The following EML5 variants were observed in gnomAD, a reference collection of about 807,000 sequenced individuals.
EML5 encodes EMAP like 5.
A neutral mutation model predicts 250.0 loss-of-function variants in EML5; 120 were observed. The observed-to-expected ratio is 0.48, with a 90% CI of 0.41 to 0.56. The LOEUF is 0.56. Among genes scored for constraint, EML5 ranks in the 20% least tolerant of loss-of-function variants. The pLI, the probability that EML5 is intolerant of heterozygous loss-of-function variation, is 0.00. For missense variants in EML5, 2,006 were observed against 2,437.6 expected, an observed-to-expected ratio of 0.82 and a Z score of 3.73; for synonymous variants, 771 against 806.5, an observed-to-expected ratio of 0.96 and a Z score of 0.75.
intron 2 of EML5, among the ~76,000 whole-genome samples, chr14:88,751,699 TGAAAA>T (rs756556284): frequency 6.6e-6 from 1 of 151,724 alleles, no homozygotes; most frequent in Non-Finnish European, 1.5e-5. Flanking sequence ...GTAAGTAAAG[TGAAAA>T]GAAAAGGCTA....
rs2087136062 is a variant in EML5, at chr14:88,613,438, GAAC to G, written c.*2377_*2379del. 6.6e-6 allele frequency: 1 copy of G among 152,072 alleles called. No homozygotes were observed. Among genetic ancestry groups the G allele is most frequent in the African/African-American group, 2.4e-5 (1 of 41,402 alleles). 9.4% of individuals were successfully genotyped at this position (152,072 alleles called of 1,614,324 possible). The stretch of plus-strand genomic sequence containing the variant: ...GTTCTCAGTTTCACTATAAATTATA[GAAC>G]AAATGGGAAACAAGGGTTTAATTTA... On this transcript the variant is annotated 3_prime_UTR_variant, in exon 44 of 44. Transcript: ENST00000554922.
rs17188228 is a variant in EML5 at position 88,738,921 on chromosome 14, T to C, written c.805A>G (p.Ile269Val). ...GTTTCCCTGAGATCAATCACAGTAA[T>C]TGGTTTAAAAGTTAAATCCCAAAGA... is the stretch of plus-strand genomic sequence containing the variant. Reference protein sequence around the residue: ...IRLWDLTFKPITVIDLRETDQ... With the variant: ...IRLWDLTFKPVTVIDLRETDQ... The change falls in exon 6 of 44, where the codon ATT becomes GTT. Residue 269 changes from isoleucine (I) to valine (V), a missense_variant. Coordinates refer to ENST00000554922, the MANE Select transcript of EML5 (RefSeq NM_183387.3). 0.25 allele frequency: 399,927 copies of C among 1,589,922 alleles called. 51,618 individuals carry two copies. The highest frequency in any genetic ancestry group is 0.37 in the East Asian group (16,441 of 44,208).
intron 1 of EML5, among the ~76,000 whole-genome samples, chr14:88,762,141 CTCTGATGATAGTTTATAAATGTA>C (rs1280098344): frequency 7.8e-4 from 119 of 152,218 alleles, no homozygotes; most frequent in African/African-American, 2.6e-3. Flanking sequence ...TGCCTGTTCG[CTCTGATGATAGTTTATAAATGTA>C]TATGCACCCA....
At chr14:88,629,580 C>G (rs2090312493) in intron 33 of EML5, among the ~76,000 whole-genome samples, 1 of 152,126 alleles carries the variant, frequency 6.6e-6, no homozygotes, top group African/African-American at 2.4e-5. Flanking sequence ...AATGGTCATT[C>G]CTGATGCTTG....
At position 88,753,056 on chromosome 14, in the gene EML5, C is replaced by T. The variant is rs147026053; in HGVS notation, c.357+1456G>A. Among the ~76,000 whole-genome samples the T allele has an allele frequency of 6.6e-4, 101 of 152,328 alleles. 2 individuals carry two copies. The East Asian group carries it at 0.012, about 18-fold the overall frequency. ...GTGCAGGAACCCAAAAAGGCTGTCA[C>T]ACTGACTCTTCACTGAGTTGTTCAA... is the stretch of plus-strand genomic sequence containing the variant. On this transcript the variant is annotated intron_variant, in intron 2 of 43. Transcript: ENST00000554922.
intron 43 of EML5, 119 bp from the exon 44 acceptor site, chr14:88,615,973 T>C: frequency 7.7e-7 from 1 of 1,295,948 alleles, no homozygotes; most frequent in Admixed American, 2.2e-5. Flanking sequence ...CTTTAACTCC[T>C]TTTATTCTGT....
intron 2 of EML5, among the ~76,000 whole-genome samples, chr14:88,753,394 TCTACTGG>T (rs2094123258): frequency 6.6e-6 from 1 of 152,228 alleles, no homozygotes; most frequent in Admixed American, 6.5e-5. Context: ...TATAAAAACA[TCTACTGG>T]CTATCATGTT....
intron 8 of EML5, 136 bp from the exon 9 acceptor site, chr14:88,715,331 A>G (rs2093474468): frequency 1.2e-6 from 1 of 861,366 alleles, no homozygotes; most frequent in African/African-American, 1.7e-5. Flanking sequence ...TAACACAAGT[A>G]GTATTAATTC....
intron 21 of EML5, among the ~76,000 whole-genome samples, chr14:88,674,414 C>T (rs1051979110): frequency 2.3e-4 from 35 of 152,268 alleles, no homozygotes; most frequent in African/African-American, 8.2e-4. Flanking sequence ...GAAGCAGGCA[C>T]CTTCTTCACA....
chr14:88,616,984 C>T, intron 41 of EML5, 105 bp from the exon 42 acceptor site: 3 of 1,041,278 alleles, frequency 2.9e-6, no homozygotes, highest in Non-Finnish European at 4.1e-6. Flanking sequence ...TATCATGTTA[C>T]TTAAAATACA....
chr14:88,681,434 C>A (rs1237732242), intron 21 of EML5, among the ~76,000 whole-genome samples: 1 of 152,200 alleles, frequency 6.6e-6, no homozygotes, highest in Non-Finnish European at 1.5e-5. Context: ...GATGGGGAAA[C>A]CCTGTCTCTC....
rs371566001 is a variant in EML5 at position 88,664,490 on chromosome 14, T to C, written c.3409+3A>G. ...TCAAGTATTAAGTTATTTAAAGTCT[T>C]ACCTCTAATATCCCAATCAATATGG... On this transcript the variant is annotated splice_donor_region_variant and intron_variant, in intron 23 of 43. Coordinates refer to ENST00000554922, the MANE Select transcript of EML5 (RefSeq NM_183387.3). 136 of 1,589,412 alleles carry C rather than the reference T, an allele frequency of 8.6e-5. No individual in the cohort carries two copies. Among genetic ancestry groups the C allele is most frequent in the Non-Finnish European group, 1.1e-4 (132 of 1,172,970 alleles).
chr14:88,618,570 G>C, intron 40 of EML5, 80 bp downstream of exon 40: 1 of 1,478,336 alleles, frequency 6.8e-7, no homozygotes, highest in Non-Finnish European at 9.1e-7. Flanking sequence ...CTGGAGCTCA[G>C]GAACTTTAAA....
At chr14:88,651,713 A>T (rs1193369546) in intron 27 of EML5, among the ~76,000 whole-genome samples, 4 of 151,744 alleles carry the variant, frequency 2.6e-5, no homozygotes, top group Non-Finnish European at 5.9e-5. Flanking sequence ...TATTTAAATA[A>T]TATTATATTT....
chr14:88,682,141 C>A (rs2092726284), intron 20 of EML5, 110 bp from the exon 21 acceptor site: 2 of 1,141,032 alleles, frequency 1.8e-6, no homozygotes, highest in South Asian at 6.5e-5. Flanking sequence ...TAATAGGATA[C>A]CGAATAGTGA....
chr14:88,755,558 C>T (rs370442014), intron 1 of EML5, among the ~76,000 whole-genome samples: 5 of 152,096 alleles, frequency 3.3e-5, no homozygotes, highest in South Asian at 4.2e-4. Context: ...CAGCAGAAGG[C>T]GGGGAAAATA....
At chr14:88,688,520 C>G in intron 17 of EML5, 47 bp from the exon 18 acceptor site, 1 of 1,585,012 alleles carries the variant, frequency 6.3e-7, no homozygotes. Flanking sequence ...AAAATGTACT[C>G]AATTATAAAG....
chr14:88,711,942 CA>C (rs796154018), intron 10 of EML5, among the ~76,000 whole-genome samples: 12,274 of 97,010 alleles, frequency 0.13, 1,205 homozygotes, highest in African/African-American at 0.31. Flanking sequence ...GACCCTGTCT[CA>C]AAAAAAAAAA....
chr14:88,740,357 A>T, intron 5 of EML5, 30 bp downstream of exon 5: 1 of 1,560,304 alleles, frequency 6.4e-7, no homozygotes, highest in Non-Finnish European at 8.7e-7. Flanking sequence ...AATACACATG[A>T]AAGTGTTTAA....
Sources: allele counts gnomAD v4.1 joint callset (sites outside exome capture counted in the v4.1 genomes callset), GRCh38; gene constraint gnomAD v4.1.1; transcripts MANE v1.5; gene names NCBI Gene and HGNC (gene_info 2026-07-23, HGNC 2026-07-21).